CAPZA2: variants seen among roughly 807,000 people sequenced by gnomAD.
The protein encoded by CAPZA2 is capping actin protein of muscle Z-line subunit alpha 2, also known as F-actin-capping protein subunit alpha-2.
Under a neutral mutation model 44.0 loss-of-function variants are expected in CAPZA2, and 13 were observed. The ratio of observed to expected loss-of-function variants is 0.30; its 90% CI spans 0.19 to 0.47. The LOEUF (loss-of-function observed/expected upper bound fraction) is 0.47, where lower values mean the gene tolerates loss of function less well. Ranked by LOEUF, CAPZA2 falls within the 20% of genes least tolerant of loss-of-function variation. CAPZA2 has a pLI of 1.00. For synonymous variants in CAPZA2, 94 were observed against 108.2 expected, an observed-to-expected ratio of 0.87 and a Z score of 0.81; for missense variants, 244 against 338.6, an observed-to-expected ratio of 0.72 and a Z score of 2.19.
chr7:116,883,401 ATCT>A (rs1450891136), intron 1 of CAPZA2, among the ~76,000 whole-genome samples: 3 of 152,346 alleles, frequency 2.0e-5, no homozygotes, highest in East Asian at 1.9e-4. Flanking sequence ...GTTGAACAAT[ATCT>A]TCTTAGGAAA....
At position 116,903,241 on chromosome 7, in the gene CAPZA2, T is replaced by A. The variant is rs1016363285; in HGVS notation, c.220-936T>A. On this transcript the variant is annotated intron_variant, in intron 4 of 9. Coordinates refer to ENST00000361183, the MANE Select transcript of CAPZA2 (RefSeq NM_006136.3). ...AGCCAGATGCAGAGAAGAGTGTGTG[T>A]GTGTGTGTGTGTGTGTGTGTGTGTG... is the stretch of plus-strand genomic sequence containing the variant. 3.7e-3 allele frequency among the ~76,000 whole-genome samples: 538 copies of A among 147,340 alleles called. 3 individuals are homozygous for A. The highest frequency in any genetic ancestry group is 7.5e-3 in the African/African-American group (283 of 37,808).
chr7:116,865,262 T>A (rs1796469342), intron 1 of CAPZA2, among the ~76,000 whole-genome samples: 1 of 140,842 alleles, frequency 7.1e-6, no homozygotes, highest in African/African-American at 2.7e-5. Flanking sequence ...CTTGGCTCAC[T>A]GCAACCTCTG....
intron 3 of CAPZA2, among the ~76,000 whole-genome samples, chr7:116,895,524 A>T (rs1271129376): frequency 6.6e-6 from 1 of 152,132 alleles, no homozygotes; most frequent in African/African-American, 2.4e-5. Flanking sequence ...CTGATCTTTT[A>T]AGTAAACGAG....
intron 1 of CAPZA2, among the ~76,000 whole-genome samples, chr7:116,862,928 C>G (rs1354845029): frequency 6.6e-6 from 1 of 151,820 alleles, no homozygotes; most frequent in Non-Finnish European, 1.5e-5. Context: ...CGGGCGGGGG[C>G]GCGGGCGCGG....
chr7:116,910,428 T>TG, intron 7 of CAPZA2, 117 bp downstream of exon 7: 1 of 617,292 alleles, frequency 1.6e-6, no homozygotes, highest in Non-Finnish European at 2.9e-6. Context: ...GTCTTTGTTT[T>TG]GGGGTAATGG....
intron 2 of CAPZA2, among the ~76,000 whole-genome samples, chr7:116,890,523 AAAATATATATATATATAT>A (rs1562959853): frequency 1.3e-4 from 5 of 38,574 alleles, no homozygotes; most frequent in East Asian, 8.1e-4. Flanking sequence ...AAAAAAAAAA[AAAATATATATATATATAT>A]ATATATATAT....
rs1796959156 is a variant in CAPZA2 at position 116,898,848 on chromosome 7, TA to T, written c.219+16del. 6.8e-7 allele frequency: 1 copy of T among 1,478,822 alleles called. No individual in the cohort carries two copies. The highest frequency in any genetic ancestry group is 9.4e-7 in the Non-Finnish European group (1 of 1,061,698). The allele number at this position is 1,478,822 out of a possible 1,614,324, so 91.6% of individuals were successfully genotyped here. ...TTATGAAGATCAGGTATGTTTCATATAAACACTATTCTTTGTTTTGTTTATA... is the reference window on the plus strand; with the variant it reads ...TTATGAAGATCAGGTATGTTTCATATAACACTATTCTTTGTTTTGTTTATA... On this transcript the variant is annotated intron_variant, in intron 4 of 9. Coordinates refer to ENST00000361183, the MANE Select transcript of CAPZA2 (RefSeq NM_006136.3).
intron 1 of CAPZA2, among the ~76,000 whole-genome samples, chr7:116,869,859 T>G (rs958743558): frequency 2.0e-5 from 3 of 150,854 alleles, no homozygotes; most frequent in Admixed American, 1.3e-4. Context: ...AATTGCACAC[T>G]TGTTTTTTTT....
At chr7:116,904,976 A>AAAAAAAAC (rs1269863246) in intron 5 of CAPZA2, among the ~76,000 whole-genome samples, 6 of 149,316 alleles carry the variant, frequency 4.0e-5, no homozygotes, top group Non-Finnish European at 8.9e-5. Context: ...ACTTAAAAAA[A>AAAAAAAAC]AAAAAAAAAA....
intron 3 of CAPZA2, among the ~76,000 whole-genome samples, chr7:116,895,452 A>G (rs1761565574): frequency 6.6e-6 from 1 of 152,134 alleles, no homozygotes; most frequent in South Asian, 2.1e-4. Context: ...ATTATAAACC[A>G]AATTTCTGGA....
intron 1 of CAPZA2, among the ~76,000 whole-genome samples, chr7:116,885,842 G>A (rs1796755794): frequency 6.6e-6 from 1 of 152,090 alleles, no homozygotes; most frequent in African/African-American, 2.4e-5. Context: ...CCCTCTTTAT[G>A]GGTTTTTATG....
intron 7 of CAPZA2, among the ~76,000 whole-genome samples, chr7:116,911,415 T>C (rs1185581850): frequency 6.6e-6 from 1 of 152,188 alleles, no homozygotes; most frequent in Non-Finnish European, 1.5e-5. Flanking sequence ...TTGCATGACA[T>C]ACAAGGCCCA....
chr7:116,883,732 T>C (rs1248098214), intron 1 of CAPZA2, among the ~76,000 whole-genome samples: 4 of 152,200 alleles, frequency 2.6e-5, no homozygotes, highest in Non-Finnish European at 4.4e-5. Context: ...CAGATCATTT[T>C]TGCTTTCTTG....
chr7:116,916,177 G>A, intron 9 of CAPZA2, 55 bp downstream of exon 9: 3 of 1,438,564 alleles, frequency 2.1e-6, no homozygotes, highest in Middle Eastern at 1.9e-4. Context: ...TAATGTCACT[G>A]AAATTTTAAT....
At chr7:116,893,425 G>A (rs572405276) in intron 3 of CAPZA2, among the ~76,000 whole-genome samples, 8 of 152,152 alleles carry the variant, frequency 5.3e-5, no homozygotes, top group East Asian at 1.9e-4. Flanking sequence ...CACCACATCC[G>A]GCCTAAAAGT....
intron 4 of CAPZA2, among the ~76,000 whole-genome samples, chr7:116,899,367 A>AT (rs1304369548): frequency 6.6e-6 from 1 of 151,980 alleles, no homozygotes; most frequent in African/African-American, 2.4e-5. Flanking sequence ...AGGACAGCTT[A>AT]TGTAAAACAC....
At chr7:116,878,677 G>T (rs1248923970) in intron 1 of CAPZA2, among the ~76,000 whole-genome samples, 1 of 152,168 alleles carries the variant, frequency 6.6e-6, no homozygotes, top group East Asian at 1.9e-4. Flanking sequence ...AGGGGGAAGG[G>T]TGACATCCCA....
intron 9 of CAPZA2, 43 bp from the exon 10 acceptor site, chr7:116,917,684 G>C: frequency 1.4e-6 from 2 of 1,410,536 alleles, no homozygotes; most frequent in Non-Finnish European, 2.0e-6. Context: ...AAATTGTTCT[G>C]TTCTTTGCTT....
rs767735295 is a variant in CAPZA2 at position 116,920,108 on chromosome 7, G to A, written c.*2241G>A. On this transcript the variant is annotated 3_prime_UTR_variant, in exon 10 of 10. Coordinates refer to ENST00000361183, the MANE Select transcript of CAPZA2 (RefSeq NM_006136.3). ...AAACAAAAAAAAATTAGCCGGGGAT[G>A]GTGATGCGCGCCTGTAATCCCAACT... 2.0e-5 allele frequency: 3 copies of A among 151,614 alleles called. No homozygotes were observed. The highest frequency in any genetic ancestry group is 2.0e-4 in the Admixed American group (3 of 15,202). The allele number at this position is 151,614 out of a possible 1,614,324, so 9.4% of individuals were successfully genotyped here. A position where few individuals can be genotyped will look rare whatever the true frequency, so the allele number is the denominator to read the frequency against.
Sources: gnomAD v4.1 joint callset for allele counts (sites outside exome capture counted in the v4.1 genomes callset) on GRCh38, gnomAD v4.1.1 for gene constraint, MANE v1.5 for transcripts, NCBI Gene and HGNC (gene_info 2026-07-23, HGNC 2026-07-21) for gene names.